Variants in RAD18 observed in about 807,000 individuals in gnomAD.
RAD18 encodes the protein RAD18 E3 ubiquitin protein ligase, also known as E3 ubiquitin-protein ligase RAD18.
In RAD18, 47 loss-of-function variants were observed where a neutral mutation model predicts 60.4. The ratio of observed to expected loss-of-function variants is 0.78; its 90% CI spans 0.62 to 0.99. The LOEUF (loss-of-function observed/expected upper bound fraction) is 0.99. Ranked by LOEUF, RAD18 falls within the 50% of genes least tolerant of loss-of-function variation. The probability of loss-of-function intolerance (pLI) is 0.00; values close to 1 mark genes in which losing one functional copy is unlikely to be tolerated. For synonymous variants in RAD18, 225 were observed against 195.5 expected, an observed-to-expected ratio of 1.15 and a Z score of -1.26; for missense variants, 640 against 593.3, an observed-to-expected ratio of 1.08 and a Z score of -0.82.
intron 2 of RAD18, among the ~76,000 whole-genome samples, chr3:8,955,602 A>G (rs925021261): frequency 2.0e-5 from 3 of 152,230 alleles, no homozygotes; most frequent in Non-Finnish European, 2.9e-5. Context: ...GCTTTGGATC[A>G]GCATACTTTA....
At chr3:8,907,603 C>T (rs903491972) in intron 9 of RAD18, among the ~76,000 whole-genome samples, 12 of 152,154 alleles carry the variant, frequency 7.9e-5, no homozygotes, top group African/African-American at 2.2e-4. Flanking sequence ...TGCAAGCGGT[C>T]AGGGATGCAA....
intron 12 of RAD18, among the ~76,000 whole-genome samples, chr3:8,884,066 C>A (rs1405334482): frequency 6.6e-6 from 1 of 152,056 alleles, no homozygotes; most frequent in African/African-American, 2.4e-5. Flanking sequence ...AGTAAAAATT[C>A]TCTGGGAATG....
At position 8,881,241 on chromosome 3, in the gene RAD18, G is replaced by C. The variant is rs113306262; in HGVS notation, c.*116C>G. 4.8e-6 allele frequency: 4 copies of C among 825,322 alleles called. No homozygotes were observed. Among genetic ancestry groups the C allele is most frequent in the Admixed American group, 2.7e-5 (1 of 36,506 alleles). The allele number at this position is 825,322 out of a possible 1,614,324, so 51.1% of individuals were successfully genotyped here. A position where few individuals can be genotyped will look rare whatever the true frequency, so the allele number is the denominator to read the frequency against. On this transcript the variant is annotated 3_prime_UTR_variant, in exon 13 of 13. Transcript: ENST00000264926. ...AGAAAAGAATGAATATCAGCTAACC[G>C]TAATATTTAGAATTTAGCATCTTTC...
At chr3:8,906,443 T>A (rs1210668692) in intron 9 of RAD18, among the ~76,000 whole-genome samples, 1 of 152,202 alleles carries the variant, frequency 6.6e-6, no homozygotes, top group Admixed American at 6.5e-5. Flanking sequence ...TCTCATTTCC[T>A]CACCTCCAAT....
At chr3:8,889,872 C>T (rs920592725) in intron 12 of RAD18, among the ~76,000 whole-genome samples, 1 of 152,178 alleles carries the variant, frequency 6.6e-6, no homozygotes, top group Non-Finnish European at 1.5e-5. Flanking sequence ...GCTCTAGCTG[C>T]ATTATGGCAA....
chr3:8,945,574 C>T (rs1045913863), intron 4 of RAD18, among the ~76,000 whole-genome samples: 1 of 144,212 alleles, frequency 6.9e-6, no homozygotes, highest in Non-Finnish European at 1.5e-5. Context: ...CTGGTTCAAG[C>T]GATTCTCCTG....
intron 11 of RAD18, among the ~76,000 whole-genome samples, chr3:8,895,774 C>G (rs1433708800): frequency 1.3e-5 from 2 of 152,208 alleles, no homozygotes; most frequent in African/African-American, 4.8e-5. Flanking sequence ...CTCCAACATG[C>G]AATCACTTTC....
intron 9 of RAD18, among the ~76,000 whole-genome samples, chr3:8,908,647 C>A (rs76989915): frequency 6.6e-6 from 1 of 152,072 alleles, no homozygotes; most frequent in Non-Finnish European, 1.5e-5. Flanking sequence ...TTAAGCCATG[C>A]GGTCTGCATG....
At chr3:8,893,111 C>A (rs1246528502) in intron 11 of RAD18, among the ~76,000 whole-genome samples, 1 of 152,126 alleles carries the variant, frequency 6.6e-6, no homozygotes, top group African/African-American at 2.4e-5. Context: ...CACCATGCTC[C>A]AATTTGCCCG....
chr3:8,949,677 G>C (rs78503252), intron 2 of RAD18, among the ~76,000 whole-genome samples: 4,594 of 152,198 alleles, frequency 0.03, 227 homozygotes, highest in African/African-American at 0.1. Context: ...GAGAGAGAGG[G>C]GGGTAATACA....
Position 8,879,260 on chromosome 3 carries a change from T to G in RAD18, c.*2097A>C, listed in dbSNP as rs112683596. 24 of 152,294 alleles carry G rather than the reference T, an allele frequency of 1.6e-4. No homozygotes were observed. Among genetic ancestry groups the G allele is most frequent in the Non-Finnish European group, 2.1e-4 (14 of 68,034 alleles). 9.4% of individuals were successfully genotyped at this position (152,294 alleles called of 1,614,324 possible). ...AGTCTTAACTGCCGGTATCTCAGAATGTGACAGTATTTAGAGATAGGGCCC... is the reference window on the plus strand; with the variant it reads ...AGTCTTAACTGCCGGTATCTCAGAAGGTGACAGTATTTAGAGATAGGGCCC... On this transcript the variant is annotated 3_prime_UTR_variant, in exon 13 of 13. Coordinates refer to ENST00000264926, the MANE Select transcript of RAD18 (RefSeq NM_020165.4).
At chr3:8,898,387 T>TGTGTGTGTGTGTGTATGC (rs2125049836) in intron 11 of RAD18, among the ~76,000 whole-genome samples, 1 of 23,682 alleles carries the variant, frequency 4.2e-5, no homozygotes, top group South Asian at 7.1e-3. Flanking sequence ...CATGCGTGTG[T>TGTGTGTGTGTGTGTATGC]GTGTGTGTGT....
At chr3:8,957,198 G>A (rs1013919625) in intron 2 of RAD18, among the ~76,000 whole-genome samples, 3 of 152,146 alleles carry the variant, frequency 2.0e-5, no homozygotes, top group African/African-American at 7.2e-5. Flanking sequence ...ATAGAGAAGT[G>A]TATCATATTC....
In RAD18 at chr3:8,962,791, G is replaced by C. The variant is rs113333079; in HGVS notation, c.51+544C>G. Among the ~76,000 whole-genome samples, 1,057 of 152,350 alleles carry C rather than the reference G, an allele frequency of 6.9e-3. 10 individuals are homozygous for C. Among genetic ancestry groups the C allele is most frequent in the African/African-American group, 0.024 (1,012 of 41,576 alleles). On this transcript the variant is annotated intron_variant, in intron 1 of 12. Coordinates refer to ENST00000264926, the MANE Select transcript of RAD18 (RefSeq NM_020165.4). ...CCTGAGTCCTGATCTCTGTTTAAGA[G>C]ACATGAGCAATTGTTAGAGAAGAGT...
chr3:8,914,995 T>A (rs2728766), intron 7 of RAD18, among the ~76,000 whole-genome samples: 20,786 of 150,742 alleles, frequency 0.14, 1,711 homozygotes, highest in East Asian at 0.24. Context: ...AAAAATTTTT[T>A]AAAATTAGCC....
chr3:8,922,495 G>A (rs984666564), intron 7 of RAD18, among the ~76,000 whole-genome samples: 1 of 152,234 alleles, frequency 6.6e-6, no homozygotes, highest in African/African-American at 2.4e-5. Context: ...TGGGGGCAGG[G>A]CATAGCCAAA....
At chr3:8,935,547 T>A (rs1351210313) in intron 7 of RAD18, among the ~76,000 whole-genome samples, 1 of 152,090 alleles carries the variant, frequency 6.6e-6, no homozygotes, top group African/African-American at 2.4e-5. Context: ...GTGCCCACAG[T>A]CACCAAGCCA....
At chr3:8,961,579 T>G (rs1941095568) in intron 1 of RAD18, among the ~76,000 whole-genome samples, 1 of 152,262 alleles carries the variant, frequency 6.6e-6, no homozygotes, top group South Asian at 2.1e-4. Flanking sequence ...GATCTGCTTC[T>G]GGGATCTGAT....
At chr3:8,914,837 G>A (rs1481029828) in intron 7 of RAD18, among the ~76,000 whole-genome samples, 2 of 152,124 alleles carry the variant, frequency 1.3e-5, no homozygotes, top group African/African-American at 4.8e-5. Context: ...ATGTCCTCTT[G>A]TAAGATATTA....
Sources: gnomAD v4.1 joint callset for allele counts (sites outside exome capture counted in the v4.1 genomes callset) on GRCh38, gnomAD v4.1.1 for gene constraint, MANE v1.5 for transcripts, NCBI Gene and HGNC (gene_info 2026-07-23, HGNC 2026-07-21) for gene names.